The following TSPAN16 variants were observed in gnomAD, a reference collection of about 807,000 sequenced individuals.
TSPAN16 encodes the protein tetraspanin-16.
A neutral mutation model predicts 25.2 loss-of-function variants in TSPAN16; 23 were observed. That is an observed-to-expected ratio of 0.91 (90% CI 0.66 to 1.29). The LOEUF is 1.29. Among genes scored for constraint, TSPAN16 ranks in the 50% most tolerant of loss-of-function variants. TSPAN16 has a pLI of 0.00. For synonymous variants in TSPAN16, 123 were observed against 124.4 expected, an observed-to-expected ratio of 0.99 and a Z score of 0.08; for missense variants, 272 against 299.9, an observed-to-expected ratio of 0.91 and a Z score of 0.69.
intron 6 of TSPAN16, chr19:11,325,517 C>T: frequency 6.2e-7 from 1 of 1,613,762 alleles, no homozygotes; most frequent in Non-Finnish European, 8.5e-7. Flanking sequence ...CAGATGACAT[C>T]CACCAGGCGC....
chr19:11,319,207 G>T (rs1461184540), downstream of TSPAN16, among the ~76,000 whole-genome samples: 4 of 152,190 alleles, frequency 2.6e-5, no homozygotes, highest in Non-Finnish European at 5.9e-5. Flanking sequence ...GTCAGGGGGG[G>T]TTCTCACAAG....
In TSPAN16 at chr19:11,315,890, T is replaced by C; in HGVS notation, c.*52T>C. 8.1e-7 allele frequency: 1 copy of C among 1,231,744 alleles called. No individual in the cohort carries two copies. The highest frequency in any genetic ancestry group is 1.0e-6 in the Non-Finnish European group (1 of 987,710). 76.3% of individuals were successfully genotyped at this position (1,231,744 alleles called of 1,614,324 possible). ...CCTGGGCCCATCTGGCTGCTGGAGA[T>C]TCAGTCTCAGTTTTATTTCTCTGTG... On this transcript the variant is annotated 3_prime_UTR_variant, in exon 7 of 7. Coordinates refer to ENST00000590327, the MANE Select transcript of TSPAN16 (RefSeq NM_001282509.2).
At chr19:11,302,676 TATACACACACAC>T (rs1432360087) in intron 4 of TSPAN16, among the ~76,000 whole-genome samples, 13 of 128,400 alleles carry the variant, frequency 1.0e-4, no homozygotes, top group Non-Finnish European at 2.0e-4. Flanking sequence ...TATATATATA[TATACACACACAC>T]ACACACACAC....
chr19:11,321,038 G>C (rs551421309), intron 6 of TSPAN16, among the ~76,000 whole-genome samples: 19 of 152,082 alleles, frequency 1.2e-4, no homozygotes, highest in Non-Finnish European at 2.2e-4. Context: ...GCGTAGTGGA[G>C]TGTGCCTGTA....
chr19:11,315,869 G>T lies in TSPAN16; in HGVS notation c.*31G>T. 8.1e-7 allele frequency: 1 copy of T among 1,231,734 alleles called. No homozygotes were observed. The highest frequency in any genetic ancestry group is 1.0e-6 in the Non-Finnish European group (1 of 987,772). 76.3% of individuals were successfully genotyped at this position (1,231,734 alleles called of 1,614,324 possible). ...AGGCCTGGAGAAGATGAGACACCTG[G>T]GCCCATCTGGCTGCTGGAGATTCAG... On this transcript the variant is annotated 3_prime_UTR_variant, in exon 7 of 7. Transcript: ENST00000590327.
At chr19:11,318,851 T>C (rs2080762182), downstream of TSPAN16, among the ~76,000 whole-genome samples, 1 of 152,056 alleles carries the variant, frequency 6.6e-6, no homozygotes, top group Non-Finnish European at 1.5e-5. Flanking sequence ...TTTGCCATGT[T>C]GGCCAGGCTG....
intron 1 of TSPAN16, among the ~76,000 whole-genome samples, chr19:11,297,429 C>T (rs1323860872): frequency 1.3e-5 from 2 of 152,020 alleles, no homozygotes; most frequent in African/African-American, 4.8e-5. Context: ...CTGCAGAGGC[C>T]ACAACATCTG....
chr19:11,324,333 A>G (rs1427006432), intron 6 of TSPAN16: 1 of 151,940 alleles, frequency 6.6e-6, no homozygotes, highest in Non-Finnish European at 1.5e-5. Context: ...GATGACAAGG[A>G]TTGGGAAATG....
At chr19:11,324,393 A>C (rs575231301) in intron 6 of TSPAN16, 2 of 152,246 alleles carry the variant, frequency 1.3e-5, no homozygotes, top group African/African-American at 4.8e-5. Flanking sequence ...AGGTGCTTAC[A>C]TCAGAAAGTC....
Position 11,299,778 on chromosome 19 carries a change from C to T in TSPAN16, c.342+832C>T, listed in dbSNP as rs1336027191. Among the ~76,000 whole-genome samples, 10 of 152,040 alleles carry T rather than the reference C, an allele frequency of 6.6e-5. No individual in the cohort carries two copies. The East Asian group carries it at 1.7e-3, about 27-fold the overall frequency. On this transcript the variant is annotated intron_variant, in intron 3 of 6. Transcript: ENST00000590327. ...TCACCTGAGGTCAGGAGTTCGAGAC[C>T]AGCCTGGCCAACATGGTAAAACCCC... is the stretch of plus-strand genomic sequence containing the variant.
chr19:11,307,945 A>C (rs1439373281), intron 5 of TSPAN16: 1 of 152,228 alleles, frequency 6.6e-6, no homozygotes, highest in Non-Finnish European at 1.5e-5. Flanking sequence ...CATTGGCCTG[A>C]GTCCATTGCC....
intron 4 of TSPAN16, among the ~76,000 whole-genome samples, chr19:11,304,294 C>G (rs976964282): frequency 2.0e-5 from 3 of 151,414 alleles, no homozygotes; most frequent in African/African-American, 4.9e-5. Context: ...GGTCCAGGAG[C>G]TGCTGTGGGT....
At chr19:11,313,733 T>G (rs1173595649) in intron 6 of TSPAN16, among the ~76,000 whole-genome samples, 1 of 152,106 alleles carries the variant, frequency 6.6e-6, no homozygotes, top group Non-Finnish European at 1.5e-5. Flanking sequence ...ATAACAAGTG[T>G]TGCCAAGGAT....
chr19:11,296,160 A>T lies in TSPAN16; in HGVS notation c.-138A>T. On this transcript the variant is annotated 5_prime_UTR_variant, in exon 1 of 7. Coordinates refer to ENST00000590327, the MANE Select transcript of TSPAN16 (RefSeq NM_001282509.2). ...TGCTGGGCCGCCTTGGACAACCATC[A>T]GGCAGCCAGGACACAGAGGGGCAGA... The T allele has an allele frequency of 1.2e-6, 1 of 836,302 alleles. No individual in the cohort carries two copies. The highest frequency in any genetic ancestry group is 1.9e-6 in the Non-Finnish European group (1 of 525,800). The allele number at this position is 836,302 out of a possible 1,614,324, so 51.8% of individuals were successfully genotyped here.
rs1212310074 is a variant in TSPAN16 at position 11,325,510 on chromosome 19, A to G, written c.688-1284A>G. The G allele has an allele frequency of 2.5e-6, 4 of 1,613,760 alleles. No individual in the cohort carries two copies. In the African/African-American group the frequency reaches 4.0e-5, roughly 16 times the overall value. On this transcript the variant is annotated intron_variant, in intron 6 of 6. Coordinates refer to the TSPAN16 transcript ENST00000316737. ...CAGGGACTCGTTCATCTTCTCGCAG[A>G]TGACATCCACCAGGCGCTCGAAGAC...
At chr19:11,321,367 C>T (rs1056733875) in intron 6 of TSPAN16, 3 of 152,148 alleles carry the variant, frequency 2.0e-5, no homozygotes, top group African/African-American at 7.2e-5. Flanking sequence ...CATCAGATCT[C>T]GTGAGAACTC....
intron 3 of TSPAN16, among the ~76,000 whole-genome samples, chr19:11,299,733 G>A (rs924812052): frequency 2.0e-5 from 3 of 152,092 alleles, no homozygotes; most frequent in Admixed American, 6.6e-5. Context: ...CCAGCACTTT[G>A]GGAGGCCGAG....
downstream of TSPAN16, among the ~76,000 whole-genome samples, chr19:11,319,975 C>T (rs895673173): frequency 1.1e-4 from 16 of 151,868 alleles, no homozygotes; most frequent in African/African-American, 3.4e-4. Context: ...CCACCACGCC[C>T]GGCTAATTTT....
chr19:11,302,617 A>G (rs1162717005), intron 4 of TSPAN16, among the ~76,000 whole-genome samples: 1 of 145,600 alleles, frequency 6.9e-6, no homozygotes, highest in African/African-American at 2.5e-5. Context: ...ATACATATGT[A>G]TATAAATATA....
Sources: gnomAD v4.1 joint callset for allele counts (sites outside exome capture counted in the v4.1 genomes callset) on GRCh38, gnomAD v4.1.1 for gene constraint, MANE v1.5 for transcripts, NCBI Gene and HGNC (gene_info 2026-07-23, HGNC 2026-07-21) for gene names.